Variants in MAPKAP1 observed in about 807,000 individuals in gnomAD.
MAPKAP1 encodes the protein MAPK associated protein 1, also known as target of rapamycin complex 2 subunit MAPKAP1.
Under a neutral mutation model 65.7 loss-of-function variants are expected in MAPKAP1, and 20 were observed. The observed-to-expected ratio is 0.30, with a 90% CI of 0.21 to 0.44. The LOEUF (loss-of-function observed/expected upper bound fraction) is 0.44, where lower values mean the gene tolerates loss of function less well. MAPKAP1 is among the 20% of genes least tolerant of loss of function. The pLI is 1.00. For missense variants in MAPKAP1, 423 were observed against 648.0 expected (o/e 0.65, Z 3.77); for synonymous variants, 222 against 244.3 (o/e 0.91, Z 0.85).
At chr9:125,607,437 T>C (rs1832470245) in intron 4 of MAPKAP1, among the ~76,000 whole-genome samples, 1 of 152,202 alleles carries the variant, frequency 6.6e-6, no homozygotes, top group African/African-American at 2.4e-5. Flanking sequence ...CATATTAGCT[T>C]ATGTAATCTC....
At position 125,447,181 on chromosome 9, in the gene MAPKAP1, G is replaced by A. The variant is rs1195935195; in HGVS notation, c.1346-2583C>T. ...GTATTTGGTTGCATGTGGAGGCTGTGTGTGTCTCCTGCCTATCCCCAGGGC... is the reference window on the plus strand; with the variant it reads ...GTATTTGGTTGCATGTGGAGGCTGTATGTGTCTCCTGCCTATCCCCAGGGC... On this transcript the variant is annotated intron_variant, in intron 10 of 11. Transcript: ENST00000265960. The surrounding 1 kb of genome is among the most constrained non-coding windows in gnomAD (Gnocchi z 4.5). The A allele has an allele frequency of 3.5e-6, 1 of 283,302 alleles. No homozygotes were observed. The allele number at this position is 283,302 out of a possible 1,614,324, so 17.5% of individuals were successfully genotyped here.
At chr9:125,507,464 C>A (rs1028834051) in intron 7 of MAPKAP1, among the ~76,000 whole-genome samples, 1 of 152,222 alleles carries the variant, frequency 6.6e-6, no homozygotes, top group Non-Finnish European at 1.5e-5. Context: ...TAGATATGTT[C>A]TTCAGCTGCT....
chr9:125,696,094 T>C (rs1835374590), intron 1 of MAPKAP1: 1 of 152,212 alleles, frequency 6.6e-6, no homozygotes, highest in Non-Finnish European at 1.5e-5. Context: ...AACACTCATA[T>C]TTTTACTAAC....
intron 4 of MAPKAP1, among the ~76,000 whole-genome samples, chr9:125,614,222 A>G (rs1267794993): frequency 6.6e-6 from 1 of 152,262 alleles, no homozygotes; most frequent in Non-Finnish European, 1.5e-5. Context: ...AATAAATATT[A>G]GCAAACCAAC....
intron 8 of MAPKAP1, among the ~76,000 whole-genome samples, chr9:125,497,432 T>G (rs1828840341): frequency 6.6e-6 from 1 of 152,244 alleles, no homozygotes; most frequent in South Asian, 2.1e-4. Context: ...CCAGACTTAA[T>G]GAATAAAAGA....
At chr9:125,543,895 T>G (rs1314561810) in intron 6 of MAPKAP1, among the ~76,000 whole-genome samples, 1 of 152,120 alleles carries the variant, frequency 6.6e-6, no homozygotes. Flanking sequence ...GCCATCATAC[T>G]AAGCTCATGG....
chr9:125,470,214 C>T (rs1300125013), intron 9 of MAPKAP1, among the ~76,000 whole-genome samples: 3 of 152,172 alleles, frequency 2.0e-5, no homozygotes, highest in East Asian at 1.9e-4. Context: ...TTATATAAAA[C>T]TGTTCCAGAT....
chr9:125,480,110 T>C (rs1854253347), intron 9 of MAPKAP1, among the ~76,000 whole-genome samples: 2 of 152,142 alleles, frequency 1.3e-5, no homozygotes, highest in South Asian at 4.1e-4. Flanking sequence ...GTGTGGGTTT[T>C]TGTTGTTGTT....
chr9:125,651,352 C>A (rs933974117), intron 4 of MAPKAP1, among the ~76,000 whole-genome samples: 14 of 152,268 alleles, frequency 9.2e-5, no homozygotes, highest in South Asian at 6.2e-4. Context: ...CACCTGTAAT[C>A]CCAGCACTTT....
chr9:125,696,757 C>A (rs1835399283), intron 1 of MAPKAP1, among the ~76,000 whole-genome samples: 1 of 152,170 alleles, frequency 6.6e-6, no homozygotes, highest in Non-Finnish European at 1.5e-5. Flanking sequence ...ACAAAAGCTT[C>A]CCCCGCTTAC....
chr9:125,697,676 G>T (rs1396498812), intron 1 of MAPKAP1, among the ~76,000 whole-genome samples: 3 of 152,078 alleles, frequency 2.0e-5, no homozygotes, highest in Non-Finnish European at 1.5e-5. Context: ...CGACATCTCT[G>T]ATTTCTTTAA....
chr9:125,527,805 C>T (rs879125818), intron 7 of MAPKAP1, among the ~76,000 whole-genome samples: 24 of 152,220 alleles, frequency 1.6e-4, no homozygotes, highest in Admixed American at 1.2e-3. Flanking sequence ...AGATCCACAT[C>T]ATTACGGGAA....
At chr9:125,568,192 G>A (rs1222251707) in intron 5 of MAPKAP1, among the ~76,000 whole-genome samples, 1 of 152,076 alleles carries the variant, frequency 6.6e-6, no homozygotes, top group Non-Finnish European at 1.5e-5. Context: ...AGATTTAGGG[G>A]GTTAAAGGCC....
At chr9:125,459,303 C>A (rs958303421) in intron 10 of MAPKAP1, among the ~76,000 whole-genome samples, 26 of 150,030 alleles carry the variant, frequency 1.7e-4, no homozygotes, top group Non-Finnish European at 3.1e-4. Context: ...GGATGGCGGC[C>A]AGGCAGAGAT....
At position 125,506,362 on chromosome 9, in the gene MAPKAP1, G is replaced by A; in HGVS notation, c.1014C>T (p.Asp338=). 2.5e-6 allele frequency: 4 copies of A among 1,614,134 alleles called. No individual in the cohort carries two copies. Among genetic ancestry groups the A allele is most frequent in the Non-Finnish European group, 3.4e-6 (4 of 1,180,030 alleles). ...ATGCGCTCTGGCTCTCCAAAGTGCTGTCCAGGTCAACGGCGACATTGGGCT... is the reference window on the plus strand; with the variant it reads ...ATGCGCTCTGGCTCTCCAAAGTGCTATCCAGGTCAACGGCGACATTGGGCT... The part of the protein sequence containing the change: ...QSEPNVAVDL[D]STLESQSAWE... Residue 338 remains aspartate, a synonymous_variant, in exon 8 of 12, where the codon GAC becomes GAT. Transcript: ENST00000265960.
At chr9:125,577,597 G>A (rs1478408901) in intron 5 of MAPKAP1, among the ~76,000 whole-genome samples, 63 of 100,444 alleles carry the variant, frequency 6.3e-4, no homozygotes, top group Admixed American at 1.8e-3. Context: ...CAGCCGCCCC[G>A]TCCGGGAGGG....
intron 9 of MAPKAP1, among the ~76,000 whole-genome samples, chr9:125,468,781 G>A (rs1057391824): frequency 1.3e-5 from 2 of 152,312 alleles, no homozygotes; most frequent in South Asian, 2.1e-4. Context: ...GGCGAGACTC[G>A]GCACTGGGTG....
rs35867576 is a variant in MAPKAP1, at chr9:125,503,880, C to CTTTTTTTTTTTTTTTTTTTTTTTTTTT, written c.1066+2403_1066+2429dup. Reference sequence around the variant, plus strand: ...TATAGGCACCCGCCACCACGCTTGGCTTTTTTTTTTTTTTTTTTTTTTTTT... The same window carrying CTTTTTTTTTTTTTTTTTTTTTTTTTTT: ...TATAGGCACCCGCCACCACGCTTGGCTTTTTTTTTTTTTTTTTTTTTTTTTTTTTTTTTTTTTTTTTTTTTTTTTTTT... On this transcript the variant is annotated intron_variant, in intron 8 of 11. Coordinates refer to ENST00000265960, the MANE Select transcript of MAPKAP1 (RefSeq NM_001006617.3). 4.5e-5 allele frequency among the ~76,000 whole-genome samples: 3 copies of CTTTTTTTTTTTTTTTTTTTTTTTTTTT among 66,250 alleles called. 1 individual carries two copies. The highest frequency in any genetic ancestry group is 7.9e-5 in the African/African-American group (1 of 12,596). The allele number at this position is 66,250 out of a possible 152,430, so 43.5% of individuals were successfully genotyped here.
rs1831080516 is a variant in MAPKAP1 at position 125,567,080 on chromosome 9, T to C, written c.672-7271A>G. Among the ~76,000 whole-genome samples the C allele has an allele frequency of 2.0e-5, 3 of 152,134 alleles. No homozygotes were observed. In the East Asian group the frequency reaches 5.8e-4, roughly 29 times the overall value. The stretch of plus-strand genomic sequence containing the variant: ...ATGAAGCCTCTCCTCTGCCACACTC[T>C]CCATATTGAGTTCAGCCCAAGTCCT... On this transcript the variant is annotated intron_variant, in intron 5 of 11. Coordinates refer to ENST00000265960, the MANE Select transcript of MAPKAP1 (RefSeq NM_001006617.3).
Sources: gnomAD v4.1 joint callset for allele counts (sites outside exome capture counted in the v4.1 genomes callset) on GRCh38, gnomAD v4.1.1 for gene constraint, Gnocchi (gnomAD v3.1) non-coding constraint, MANE v1.5 for transcripts, NCBI Gene and HGNC (gene_info 2026-07-23, HGNC 2026-07-21) for gene names.